Variants in TMEM230 observed in about 807,000 individuals in gnomAD.
TMEM230 encodes the protein transmembrane protein 230, also known as UPF0414 transmembrane protein C20orf30.
TMEM230 carries 10 observed loss-of-function variants against 15.8 expected under a neutral mutation model. That is an observed-to-expected ratio of 0.63 (90% CI 0.39 to 1.07). The LOEUF (loss-of-function observed/expected upper bound fraction) is 1.07. TMEM230 is among the 50% of genes least tolerant of loss of function. The pLI, the probability that TMEM230 is intolerant of heterozygous loss-of-function variation, is 0.01. For missense variants in TMEM230, 165 were observed against 193.3 expected (o/e 0.85, Z 0.87); for synonymous variants, 67 against 76.9 (o/e 0.87, Z 0.68).
the TMEM230 span, among the ~76,000 whole-genome samples, chr20:5,060,751 T>C: frequency 2.1e-4 from 32 of 152,184 alleles, no homozygotes; most frequent in Admixed American, 9.2e-4. Flanking sequence ...TCATTATGAA[T>C]ATACCGTAAT....
At chr20:5,064,592 T>C (rs2088634367), downstream of TMEM230, among the ~76,000 whole-genome samples, 1 of 151,952 alleles carries the variant, frequency 6.6e-6, no homozygotes, top group Non-Finnish European at 1.5e-5. Flanking sequence ...AAAAAAAGAC[T>C]GACATTAAGT....
chr20:5,093,685 C>T (rs963179774), intron 3 of TMEM230, among the ~76,000 whole-genome samples: 1 of 151,542 alleles, frequency 6.6e-6, no homozygotes, highest in Non-Finnish European at 1.5e-5. Flanking sequence ...TACAGGAGTA[C>T]ACCACCATGC....
At chr20:5,068,995 T>C in exon 4 of TMEM230, 1 of 564,150 alleles carries the variant, frequency 1.8e-6, no homozygotes, top group Non-Finnish European at 3.1e-6. Context: ...GCATAGGGGG[T>C]AGAGGGCAGC....
chr20:5,075,582 G>A (rs756701471), intron 3 of TMEM230, among the ~76,000 whole-genome samples: 6 of 150,244 alleles, frequency 4.0e-5, no homozygotes, highest in Non-Finnish European at 8.9e-5. Context: ...AAAATTAGCC[G>A]GGCTTGGTGG....
At chr20:5,077,810 G>C (rs6053085) in intron 3 of TMEM230, among the ~76,000 whole-genome samples, 7,511 of 152,008 alleles carry the variant, frequency 0.049, 571 homozygotes, top group African/African-American at 0.17. Flanking sequence ...CTCCAACCTG[G>C]GCAAGAGAGC....
At chr20:5,090,111 G>C (rs2089465558) in intron 3 of TMEM230, among the ~76,000 whole-genome samples, 2 of 151,856 alleles carry the variant, frequency 1.3e-5, no homozygotes, top group African/African-American at 4.8e-5. Context: ...ATGGAAAAGA[G>C]ACAAAAATAT....
At chr20:5,075,099 C>G (rs1468543271) in intron 3 of TMEM230, among the ~76,000 whole-genome samples, 1 of 148,362 alleles carries the variant, frequency 6.7e-6, no homozygotes, top group Non-Finnish European at 1.5e-5. Context: ...AAATTTCACT[C>G]TTGTTGCCCA....
At chr20:5,095,529 G>C (rs1476152815), downstream of TMEM230, among the ~76,000 whole-genome samples, 1 of 152,182 alleles carries the variant, frequency 6.6e-6, no homozygotes, top group Non-Finnish European at 1.5e-5. Context: ...GACTTTGGGA[G>C]TTACTGTCTT....
chr20:5,097,082 A>C (rs2089684848), downstream of TMEM230, among the ~76,000 whole-genome samples: 1 of 152,206 alleles, frequency 6.6e-6, no homozygotes. Context: ...TTCCCTTTTT[A>C]GAAACGAAAA....
intron 2 of TMEM230, among the ~76,000 whole-genome samples, chr20:5,110,787 A>C (rs1000539219): frequency 3.9e-5 from 6 of 152,366 alleles, no homozygotes; most frequent in Middle Eastern, 3.4e-3. Flanking sequence ...CTTGTTCAAA[A>C]TATTCAAAGC....
At chr20:5,077,853 C>T (rs6053086) in intron 3 of TMEM230, among the ~76,000 whole-genome samples, 7,495 of 151,936 alleles carry the variant, frequency 0.049, 561 homozygotes, top group African/African-American at 0.17. Context: ...AATCTGTGCC[C>T]TTGTGGATTC....
chr20:5,092,274 A>C (rs2089531201), intron 3 of TMEM230, among the ~76,000 whole-genome samples: 1 of 152,192 alleles, frequency 6.6e-6, no homozygotes, highest in Admixed American at 6.5e-5. Context: ...CGATGTTCAG[A>C]ATGAGGAGTC....
intron 3 of TMEM230, among the ~76,000 whole-genome samples, chr20:5,084,376 A>G (rs1215406311): frequency 2.0e-5 from 3 of 151,370 alleles, no homozygotes; most frequent in Non-Finnish European, 4.4e-5. Context: ...GGCGTACGCC[A>G]CCACGCCTGG....
intron 3 of TMEM230, among the ~76,000 whole-genome samples, chr20:5,094,419 A>G (rs1441645336): frequency 1.3e-5 from 2 of 151,426 alleles, no homozygotes; most frequent in Non-Finnish European, 2.9e-5. Context: ...TTTTAAAAAA[A>G]AATTTTTGGC....
At chr20:5,080,951 T>A (rs980738539) in intron 3 of TMEM230, among the ~76,000 whole-genome samples, 1 of 152,210 alleles carries the variant, frequency 6.6e-6, no homozygotes, top group Admixed American at 6.5e-5. Flanking sequence ...CTGTCCATGA[T>A]GAGTTAAGTA....
At chr20:5,112,658 A>G in intron 1 of TMEM230, 1 of 1,345,092 alleles carries the variant, frequency 7.4e-7, no homozygotes, top group Non-Finnish European at 9.6e-7. Context: ...CAGCACCTGA[A>G]TGTTACGAGA....
At chr20:5,080,272 GTT>G (rs2089141428) in intron 3 of TMEM230, among the ~76,000 whole-genome samples, 1 of 152,144 alleles carries the variant, frequency 6.6e-6, no homozygotes, top group Non-Finnish European at 1.5e-5. Context: ...AATCCTCTTG[GTT>G]TTTGTAAGTT....
At position 5,106,247 on chromosome 20, in the gene TMEM230, T is replaced by C. The variant is rs1046091250; in HGVS notation, c.352A>G (p.Ile118Val). The stretch of plus-strand genomic sequence containing the variant: ...CCTATAATAATGAGAAAGGCGCCAA[T>C]CAAAAACAGCACAGTGGCAAGTGCG... The change falls in exon 4 of 5, where the codon ATT (isoleucine) becomes GTT (valine). Residue 118 changes from isoleucine to valine, a missense_variant. By Grantham distance (29) the Ile-to-Val change is conservative. Transcript: ENST00000342308. The C allele has an allele frequency of 6.2e-7, 1 of 1,613,814 alleles. No homozygotes were observed. Among genetic ancestry groups the C allele is most frequent in the African/African-American group, 1.3e-5 (1 of 74,844 alleles).
In TMEM230 at chr20:5,069,269, G is replaced by A. The variant is rs2088749492; in HGVS notation, c.303C>T (p.Gly101=). 3 of 1,535,928 alleles carry A rather than the reference G, an allele frequency of 2.0e-6. No homozygotes were observed. The East Asian group carries it at 7.3e-5, about 38-fold the overall frequency. The change falls in exon 4 of 4, where the codon GGC becomes GGT. Residue 101 remains glycine, a synonymous_variant. Transcript: ENST00000612323. ...CTCCTTCGGGACTCCTCCCACTGAT[G>A]CCTCCCATCATGTACCCACGGGATG...
Sources: gnomAD v4.1 joint callset for allele counts (sites outside exome capture counted in the v4.1 genomes callset) on GRCh38, gnomAD v4.1.1 for gene constraint, MANE v1.5 for transcripts, NCBI Gene and HGNC (gene_info 2026-07-23, HGNC 2026-07-21) for gene names.